Variants in PTPRD observed in about 807,000 individuals in gnomAD.
PTPRD encodes protein tyrosine phosphatase receptor type D.
Under a neutral mutation model 214.5 loss-of-function variants are expected in PTPRD, and 34 were observed. The observed-to-expected ratio is 0.16, with a 90% CI of 0.12 to 0.21. PTPRD has a LOEUF of 0.21. Ranked by LOEUF, PTPRD falls within the 10% of genes least tolerant of loss-of-function variation. The pLI is 1.00. For synonymous variants in PTPRD, 1,128 were observed against 845.7 expected (o/e 1.33, Z -5.79); for missense variants, 2,545 against 2,398.7 (o/e 1.06, Z -1.27).
chr9:10,604,164 T>A (rs1214265234), intron 2 of PTPRD, among the ~76,000 whole-genome samples: 1 of 8,284 alleles, frequency 1.2e-4, no homozygotes, highest in African/African-American at 1.3e-4. Flanking sequence ...GTGAGGACCA[T>A]ATATTCTGAC....
intron 7 of PTPRD, among the ~76,000 whole-genome samples, chr9:9,696,346 T>C (rs2097373419): frequency 6.6e-6 from 1 of 152,210 alleles, no homozygotes. Context: ...TTATCTCTGA[T>C]GTTTCTTCAT....
At chr9:9,623,125 T>C (rs757400315) in intron 7 of PTPRD, among the ~76,000 whole-genome samples, 3 of 152,244 alleles carry the variant, frequency 2.0e-5, no homozygotes, top group African/African-American at 4.8e-5. Flanking sequence ...ATATGTTGCC[T>C]TTCACAATTT....
At chr9:10,245,615 G>C (rs1285366852) in intron 3 of PTPRD, among the ~76,000 whole-genome samples, 1 of 152,116 alleles carries the variant, frequency 6.6e-6, no homozygotes, top group African/African-American at 2.4e-5. Context: ...CTTGTGTGTT[G>C]TTAATACAGG....
At chr9:9,178,220 G>C (rs2099926105) in intron 10 of PTPRD, among the ~76,000 whole-genome samples, 1 of 151,994 alleles carries the variant, frequency 6.6e-6, no homozygotes, top group South Asian at 2.1e-4. Flanking sequence ...AGCCTACAAA[G>C]AGATTGAACT....
chr9:10,183,753 A>G (rs1238318377), intron 3 of PTPRD, among the ~76,000 whole-genome samples: 1 of 152,194 alleles, frequency 6.6e-6, no homozygotes, highest in Non-Finnish European at 1.5e-5. Flanking sequence ...TTTTTCAGAT[A>G]AAATAAAACG....
At chr9:8,446,341 A>C (rs1465658038) in intron 34 of PTPRD, among the ~76,000 whole-genome samples, 1 of 152,260 alleles carries the variant, frequency 6.6e-6, no homozygotes, top group Non-Finnish European at 1.5e-5. Flanking sequence ...ATAACTTAGA[A>C]TGTAAATCAA....
At chr9:10,124,928 T>G (rs2098804321) in intron 3 of PTPRD, among the ~76,000 whole-genome samples, 1 of 152,140 alleles carries the variant, frequency 6.6e-6, no homozygotes, top group African/African-American at 2.4e-5. Context: ...AGCGCACTAG[T>G]CTCCAGAAGA....
At chr9:9,151,048 T>G (rs994516058) in intron 10 of PTPRD, among the ~76,000 whole-genome samples, 1 of 152,216 alleles carries the variant, frequency 6.6e-6, no homozygotes, top group Non-Finnish European at 1.5e-5. Flanking sequence ...ATGCAGCCAT[T>G]ATAATTAAAT....
intron 7 of PTPRD, among the ~76,000 whole-genome samples, chr9:9,651,901 C>A (rs1411780437): frequency 7.9e-6 from 1 of 125,890 alleles, no homozygotes; most frequent in African/African-American, 3.1e-5. Flanking sequence ...GTGGAGCGAT[C>A]TTGGCTCACT....
intron 8 of PTPRD, among the ~76,000 whole-genome samples, chr9:9,417,782 A>T: frequency 6.6e-6 from 1 of 152,202 alleles, no homozygotes; most frequent in Non-Finnish European, 1.5e-5. Context: ...AATGAGATCA[A>T]CTTGCCAATT....
intron 2 of PTPRD, among the ~76,000 whole-genome samples, chr9:10,585,241 T>A (rs2073513614): frequency 6.6e-6 from 1 of 152,004 alleles, no homozygotes; most frequent in Admixed American, 6.6e-5. Context: ...ATTTTCATAA[T>A]ATTGAAGTAA....
intron 11 of PTPRD, among the ~76,000 whole-genome samples, chr9:8,751,618 A>T (rs2093541642): frequency 6.6e-6 from 1 of 152,160 alleles, no homozygotes; most frequent in African/African-American, 2.4e-5. Context: ...GCTGTGAGTC[A>T]ATTGCTGGCT....
chr9:10,530,110 G>A (rs779381943), intron 2 of PTPRD, among the ~76,000 whole-genome samples: 12 of 152,032 alleles, frequency 7.9e-5, no homozygotes, highest in Admixed American at 4.6e-4. Flanking sequence ...ATTGACACCC[G>A]TACTTAAGAA....
intron 11 of PTPRD, among the ~76,000 whole-genome samples, chr9:8,786,454 G>T (rs2095977560): frequency 8.0e-6 from 1 of 125,084 alleles, no homozygotes; most frequent in African/African-American, 3.1e-5. Context: ...CTGTCGCCCA[G>T]CTTGGAGTGC....
chr9:9,358,895 T>C (rs1415560488), intron 9 of PTPRD, among the ~76,000 whole-genome samples: 2 of 151,338 alleles, frequency 1.3e-5, no homozygotes, highest in Non-Finnish European at 3.0e-5. Context: ...TCAAAGTTGA[T>C]TGCATCCAAC....
At position 10,553,705 on chromosome 9, in the gene PTPRD, G is replaced by A. The variant is rs541842296; in HGVS notation, c.-600+58693C>T. Among the ~76,000 whole-genome samples the A allele has an allele frequency of 2.3e-4, 35 of 152,180 alleles. No homozygotes were observed. In the East Asian group the frequency reaches 6.0e-3, roughly 26 times the overall value. ...CATTTTAAGAACTGTGAATATATAT[G>A]TATACACACATATATTCAAAGAGAG... On this transcript the variant is annotated intron_variant, in intron 2 of 45. Transcript: ENST00000381196.
At chr9:9,743,146 C>G (rs768533583) in intron 6 of PTPRD, among the ~76,000 whole-genome samples, 7 of 152,088 alleles carry the variant, frequency 4.6e-5, no homozygotes, top group Non-Finnish European at 7.4e-5. Context: ...GCCATAGGCT[C>G]TCAGACAGTG....
intron 10 of PTPRD, among the ~76,000 whole-genome samples, chr9:9,112,359 C>T (rs1262305912): frequency 2.0e-5 from 3 of 152,048 alleles, no homozygotes; most frequent in African/African-American, 7.2e-5. Flanking sequence ...CTTAATTTTC[C>T]CCTCCTCTCC....
intron 8 of PTPRD, among the ~76,000 whole-genome samples, chr9:9,419,871 G>A (rs1317368425): frequency 2.6e-5 from 4 of 151,514 alleles, no homozygotes; most frequent in South Asian, 2.1e-4. Context: ...ATATTTTATA[G>A]ATATATAAAG....
Sources: gnomAD v4.1 joint callset for allele counts (sites outside exome capture counted in the v4.1 genomes callset) on GRCh38, gnomAD v4.1.1 for gene constraint, MANE v1.5 for transcripts, NCBI Gene and HGNC (gene_info 2026-07-23, HGNC 2026-07-21) for gene names.